The following FRMPD1 variants were observed in gnomAD, a reference collection of about 807,000 sequenced individuals.
The protein encoded by FRMPD1 is FERM and PDZ domain-containing protein 1.
FRMPD1 carries 76 observed loss-of-function variants against 117.8 expected under a neutral mutation model. The observed-to-expected ratio is 0.65, with a 90% CI of 0.54 to 0.78. The LOEUF is 0.78. Ranked by LOEUF, FRMPD1 falls within the 30% of genes least tolerant of loss-of-function variation. The pLI is 0.00. For missense variants in FRMPD1, 1,786 were observed against 1,964.5 expected (o/e 0.91, Z 1.72); for synonymous variants, 783 against 770.4 (o/e 1.02, Z -0.27).
chr9:37,693,017 G>A (rs931999916), intron 2 of FRMPD1: 21 of 505,540 alleles, frequency 4.2e-5, no homozygotes, highest in African/African-American at 2.5e-4. Flanking sequence ...CATACACACA[G>A]AAATACACTC....
chr9:37,630,463 C>T, the FRMPD1 span, among the ~76,000 whole-genome samples: 6 of 152,116 alleles, frequency 3.9e-5, no homozygotes, highest in South Asian at 2.1e-4. Context: ...TTCACTGCAA[C>T]CTCCGCCTCC....
chr9:37,724,196 G>A, intron 6 of FRMPD1, 29 bp from the exon 7 acceptor site: 1 of 1,145,558 alleles, frequency 8.7e-7, no homozygotes, highest in East Asian at 2.3e-5. Context: ...AAAAAGACAG[G>A]GATACAACAA....
At chr9:37,651,810 G>C (rs889504522) in intron 1 of FRMPD1, among the ~76,000 whole-genome samples, 8 of 152,270 alleles carry the variant, frequency 5.3e-5, no homozygotes, top group African/African-American at 1.7e-4. Flanking sequence ...TAGGGTGGAA[G>C]TCGTGTTCAC....
chr9:37,744,409 G>A lies in FRMPD1; in HGVS notation c.2377G>A (p.Ala793Thr). 1 of 1,606,146 alleles carries A rather than the reference G, an allele frequency of 6.2e-7. No homozygotes were observed. Among genetic ancestry groups the A allele is most frequent in the Non-Finnish European group, 8.5e-7 (1 of 1,176,034 alleles). Reference sequence around the variant, plus strand: ...CCCAGGGCCCAGAGATGTTTCTACTGCAGAACCCAGTGCCACAAGCTTGCA... The same window carrying A: ...CCCAGGGCCCAGAGATGTTTCTACTACAGAACCCAGTGCCACAAGCTTGCA... The part of the protein sequence containing the change: ...PPSGPRDVST[A>T]EPSATSLQNK... Residue 793 changes from alanine to threonine, a missense_variant, in exon 16 of 16, where the codon GCA becomes ACA. By Grantham distance (58) the Ala-to-Thr change is moderately conservative. Transcript: ENST00000377765.
intron 2 of FRMPD1, among the ~76,000 whole-genome samples, chr9:37,695,005 GAATA>G (rs1822270213): frequency 7.1e-6 from 1 of 140,784 alleles, no homozygotes; most frequent in Non-Finnish European, 1.5e-5. Flanking sequence ...AGCCAAATAA[GAATA>G]GATAGATAGA....
intron 1 of FRMPD1, among the ~76,000 whole-genome samples, chr9:37,688,998 A>C (rs765987369): frequency 9.2e-5 from 14 of 152,094 alleles, no homozygotes; most frequent in Non-Finnish European, 1.6e-4. Flanking sequence ...AAGGGTTTAT[A>C]ATAGAAATCA....
the FRMPD1 span, chr9:37,636,674 C>T: frequency 2.6e-6 from 4 of 1,525,456 alleles, no homozygotes; most frequent in Non-Finnish European, 3.5e-6. Context: ...TCCTGTCCCA[C>T]TCCAGTGCCC....
chr9:37,638,134 C>T, the FRMPD1 span, among the ~76,000 whole-genome samples: 7 of 151,222 alleles, frequency 4.6e-5, no homozygotes, highest in African/African-American at 1.7e-4. Context: ...AGTGCACTGG[C>T]GTTATCTCGG....
the FRMPD1 span, among the ~76,000 whole-genome samples, chr9:37,614,056 G>C: frequency 1.3e-5 from 2 of 152,192 alleles, no homozygotes; most frequent in African/African-American, 4.8e-5. Flanking sequence ...AGCAGAGAGG[G>C]GACTTTATTT....
Position 37,711,034 on chromosome 9 carries a change from G to C in FRMPD1, c.363-316G>C, listed in dbSNP as rs971259609. Among the ~76,000 whole-genome samples the C allele has an allele frequency of 3.3e-5, 5 of 151,868 alleles. No individual in the cohort carries two copies. In the South Asian group the frequency reaches 8.3e-4, roughly 25 times the overall value. On this transcript the variant is annotated intron_variant, in intron 4 of 15. Coordinates refer to ENST00000377765, the MANE Select transcript of FRMPD1 (RefSeq NM_014907.3). ...ACTGGATGAGTTCTTCATTGTATAG[G>C]ACTAAATTAAGGCTAAGTGCCTTAA... is the stretch of plus-strand genomic sequence containing the variant.
chr9:37,703,680 A>ACTCCCAAAC (rs1337081573), intron 2 of FRMPD1, among the ~76,000 whole-genome samples: 1 of 151,940 alleles, frequency 6.6e-6, no homozygotes, highest in South Asian at 2.1e-4. Context: ...ATTAGCAGTG[A>ACTCCCAAAC]CTCCCAAACC....
Position 37,746,070 on chromosome 9 carries a change from C to A in FRMPD1, c.4038C>A (p.Gly1346=). 1 of 1,614,222 alleles carries A rather than the reference C, an allele frequency of 6.2e-7. No homozygotes were observed. Among genetic ancestry groups the A allele is most frequent in the Non-Finnish European group, 8.5e-7 (1 of 1,180,028 alleles). The change falls in exon 16 of 16, where the codon GGC becomes GGA. Residue 1346 remains glycine, a synonymous_variant. Coordinates refer to ENST00000377765, the MANE Select transcript of FRMPD1 (RefSeq NM_014907.3). ...TCTCCTATGCCACATGCTTCCGTGG[C>A]CCGCAGCCTGAGACAGAGGAAGAAG... The part of the protein sequence containing the change: ...CQFSYATCFR[G]PQPETEEEDR...
chr9:37,611,966 C>G, the FRMPD1 span, among the ~76,000 whole-genome samples: 2 of 152,158 alleles, frequency 1.3e-5, no homozygotes, highest in African/African-American at 2.4e-5. Context: ...AGTGGATCAG[C>G]CTGGGTATAA....
At chr9:37,739,939 G>T in intron 14 of FRMPD1, 139 bp from the exon 15 acceptor site, 1 of 677,540 alleles carries the variant, frequency 1.5e-6, no homozygotes, top group Non-Finnish European at 2.6e-6. Context: ...GTGTTCGTCA[G>T]TATAGGACGG....
At chr9:37,729,088 A>T (rs975376442) in intron 7 of FRMPD1, among the ~76,000 whole-genome samples, 1 of 152,046 alleles carries the variant, frequency 6.6e-6, no homozygotes, top group African/African-American at 2.4e-5. Context: ...TGTACTAAAA[A>T]TACAAAAAAA....
At chr9:37,616,873 G>T in the FRMPD1 span, among the ~76,000 whole-genome samples, 8 of 152,186 alleles carry the variant, frequency 5.3e-5, no homozygotes, top group Admixed American at 4.6e-4. Context: ...TTAGAATGAA[G>T]GGGGCTGGTG....
chr9:37,613,303 T>C, the FRMPD1 span, among the ~76,000 whole-genome samples: 1 of 152,200 alleles, frequency 6.6e-6, no homozygotes, highest in South Asian at 2.1e-4. Flanking sequence ...GCACTGCAGA[T>C]ACAACAGATA....
upstream of FRMPD1, among the ~76,000 whole-genome samples, chr9:37,646,305 T>C (rs186801300): frequency 4.6e-5 from 7 of 152,304 alleles, no homozygotes; most frequent in Admixed American, 4.6e-4. Flanking sequence ...AAGTCTGTAG[T>C]AGGCACTCAA....
the FRMPD1 span, among the ~76,000 whole-genome samples, chr9:37,644,757 G>A: frequency 1.3e-5 from 2 of 152,178 alleles, no homozygotes; most frequent in Non-Finnish European, 2.9e-5. Flanking sequence ...TTTCATCTGT[G>A]AAGTGGGGAT....
Sources: gnomAD v4.1 joint callset for allele counts (sites outside exome capture counted in the v4.1 genomes callset) on GRCh38, gnomAD v4.1.1 for gene constraint, MANE v1.5 for transcripts, NCBI Gene and HGNC (gene_info 2026-07-23, HGNC 2026-07-21) for gene names.